PLD4: variants seen among roughly 807,000 people sequenced by gnomAD.
The protein encoded by PLD4 is phospholipase D family member 4.
PLD4 carries 54 observed loss-of-function variants against 52.3 expected under a neutral mutation model. The observed-to-expected ratio is 1.03, with a 90% CI of 0.83 to 1.30. The LOEUF is 1.30. Among genes scored for constraint, PLD4 ranks in the 50% most tolerant of loss-of-function variants. PLD4 has a pLI of 0.00. For missense variants in PLD4, 731 were observed against 671.1 expected (o/e 1.09, Z -0.99); for synonymous variants, 264 against 286.5 (o/e 0.92, Z 0.79).
At chr14:104,933,268 G>A (rs1010190040), downstream of PLD4, 2 of 317,914 alleles carry the variant, frequency 6.3e-6, no homozygotes, top group Admixed American at 5.0e-5. Context: ...CGCGCGGGCG[G>A]CCCTTCATCC....
rs1897563959 is a variant in PLD4 at position 104,929,353 on chromosome 14, T to C, written c.515T>C (p.Ile172Thr). The part of the protein sequence containing the change: ...QKLQQLLGRN[I>T]SLAVATSSPT... ...CTGCAGCAGCTGCTGGGCAGGAACA[T>C]TTCCCTGGCTGTGGCCACCAGCAGC... The change falls in exon 5 of 11, where the codon ATT becomes ACT. Residue 172 changes from isoleucine to threonine, a missense_variant. Ile to Thr is a moderately conservative substitution (Grantham distance 89). Coordinates refer to ENST00000392593, the MANE Select transcript of PLD4 (RefSeq NM_138790.5). 7.6e-6 allele frequency: 12 copies of C among 1,571,350 alleles called. No homozygotes were observed. The highest frequency in any genetic ancestry group is 2.3e-5 in the South Asian group (2 of 85,512).
intron 7 of PLD4, among the ~76,000 whole-genome samples, chr14:104,931,370 G>A (rs1897638591): frequency 6.6e-6 from 1 of 152,156 alleles, no homozygotes; most frequent in African/African-American, 2.4e-5. Context: ...CGGGGGTGGG[G>A]GTGGACAGCC....
chr14:104,926,609 G>A (rs752120829), intron 1 of PLD4, among the ~76,000 whole-genome samples: 9 of 152,208 alleles, frequency 5.9e-5, no homozygotes, highest in Non-Finnish European at 1.0e-4. Context: ...TCTCTGGAGG[G>A]GCTGCCGTGG....
rs1358831958 is a variant in PLD4 at position 104,927,939 on chromosome 14, T to C, written c.284+73T>C. On this transcript the variant is annotated intron_variant, in intron 3 of 10. Coordinates refer to ENST00000392593, the MANE Select transcript of PLD4 (RefSeq NM_138790.5). ...TGCTGCCTGTGTTTCTGCCCTTGGA[T>C]CTGCCCGTGAGATAAGGGGGGCCCT... The C allele has an allele frequency of 6.3e-6, 9 of 1,428,036 alleles. 1 individual carries two copies. The African/African-American group carries it at 1.0e-4, about 16-fold the overall frequency. The allele number at this position is 1,428,036 out of a possible 1,614,324, so 88.5% of individuals were successfully genotyped here.
At chr14:104,926,910 G>A (rs1440389015) in intron 1 of PLD4, among the ~76,000 whole-genome samples, 1 of 152,348 alleles carries the variant, frequency 6.6e-6, no homozygotes, top group African/African-American at 2.4e-5. Flanking sequence ...TGGCCAGGGG[G>A]ACAGGACAGG....
At position 104,932,970 on chromosome 14, in the gene PLD4, GC is replaced by G; in HGVS notation, c.*8del. The G allele has an allele frequency of 6.4e-7, 1 of 1,568,870 alleles. No individual in the cohort carries two copies. The highest frequency in any genetic ancestry group is 8.6e-7 in the Non-Finnish European group (1 of 1,160,042). Reference sequence around the variant, plus strand: ...ACTGCGTTTGGCAGGGCTGAGGGGGGCCTCTTTTTCTCTCGGCGACCCCGCC... The same window carrying G: ...ACTGCGTTTGGCAGGGCTGAGGGGGGCTCTTTTTCTCTCGGCGACCCCGCC... On this transcript the variant is annotated 3_prime_UTR_variant, in exon 11 of 11. Coordinates refer to ENST00000392593, the MANE Select transcript of PLD4 (RefSeq NM_138790.5). The surrounding 1 kb of genome is among the most constrained non-coding windows in gnomAD (Gnocchi z 6.5).
At chr14:104,929,256 G>T in intron 4 of PLD4, 51 bp from the exon 5 acceptor site, 1 of 1,572,928 alleles carries the variant, frequency 6.4e-7, no homozygotes, top group South Asian at 1.2e-5. Context: ...GTGGGGATGC[G>T]GAGGAGAGGG....
rs751405240 is a variant in PLD4, at chr14:104,930,884, A to G, written c.860A>G (p.Asn287Ser). ...CCTCAGAACTTCTCATCTCACTTCA[A>G]CCGTTTCCAGCCCTTCCACGGCCTC... ...TWPQNFSSHF[N>S]RFQPFHGLFD... is the part of the protein sequence containing the mutation. The change falls in exon 7 of 11, where the codon AAC becomes AGC. Residue 287 changes from asparagine (N) to serine (S), a missense_variant. Transcript: ENST00000392593. The G allele has an allele frequency of 5.6e-6, 9 of 1,613,358 alleles. No individual in the cohort carries two copies. Among genetic ancestry groups the G allele is most frequent in the South Asian group, 1.1e-5 (1 of 91,080 alleles).
chr14:104,928,592 A>C (rs1467541569), intron 3 of PLD4, among the ~76,000 whole-genome samples, 157 bp from the exon 4 acceptor site: 1 of 152,174 alleles, frequency 6.6e-6, no homozygotes, highest in Non-Finnish European at 1.5e-5. Flanking sequence ...TTTGTTGCCT[A>C]TACCTTAAAC....
chr14:104,932,925 C>T lies in PLD4; in HGVS notation c.1482C>T (p.Asp494=), dbSNP rs1456161143. The T allele has an allele frequency of 5.6e-6, 9 of 1,600,330 alleles. No homozygotes were observed. The highest frequency in any genetic ancestry group is 3.4e-5 in the Admixed American group (2 of 58,550). The part of the protein sequence containing the change: ...DWSSRYAVGL[D]GQAPGQDCVW... ...GTTCGCGCTACGCCGTCGGCCTGGA[C>T]GGACAGGCTCCGGGCCAGGACTGCG... Residue 494 remains aspartate (D), a synonymous_variant, in exon 11 of 11, where the codon GAC becomes GAT. Transcript: ENST00000392593. This position sits in a 1 kb window ranked among gnomAD's most constrained non-coding sequence, Gnocchi z 6.5.
At chr14:104,929,180 A>T in intron 4 of PLD4, 127 bp from the exon 5 acceptor site, 1 of 1,433,094 alleles carries the variant, frequency 7.0e-7, no homozygotes, top group East Asian at 2.5e-5. Flanking sequence ...GGTCATCCAG[A>T]TACTTGACCT....
At position 104,932,170 on chromosome 14, in the gene PLD4, TGGACG is replaced by T; in HGVS notation, c.1218_1222del (p.Asp407GlufsTer74). 1 of 1,611,336 alleles carries T rather than the reference TGGACG, an allele frequency of 6.2e-7. No homozygotes were observed. The highest frequency in any genetic ancestry group is 8.5e-7 in the Non-Finnish European group (1 of 1,179,096). ...AGCAACCCCGCGGCCAACGTCTCTGTGGACGTGGTGAGGGCGTGCTCCCGGCCGGG... is the reference window on the plus strand; with the variant it reads ...AGCAACCCCGCGGCCAACGTCTCTGTTGGTGAGGGCGTGCTCCCGGCCGGG... On this transcript the variant is annotated frameshift_variant and splice_region_variant, in exon 9 of 11. Transcript: ENST00000392593. LOFTEE classifies it high-confidence loss of function. This position sits in a 1 kb window ranked among gnomAD's most constrained non-coding sequence, Gnocchi z 6.5.
In PLD4 at chr14:104,932,895, C is replaced by A; in HGVS notation, c.1452C>A (p.Asp484Glu). 1.2e-6 allele frequency: 2 copies of A among 1,603,260 alleles called. No homozygotes were observed. Among genetic ancestry groups the A allele is most frequent in the African/African-American group, 1.3e-5 (1 of 74,942 alleles). The change falls in exon 11 of 11, where the codon GAC becomes GAA. Residue 484 changes from aspartate to glutamate, a missense_variant. Coordinates refer to ENST00000392593, the MANE Select transcript of PLD4 (RefSeq NM_138790.5). The surrounding 1 kb of genome is among the most constrained non-coding windows in gnomAD (Gnocchi z 6.5). ...AGCTGCGGCAGCTCTTTGAGCGGGA[C>A]TGGAGTTCGCGCTACGCCGTCGGCC... ...QEQLRQLFER[D>E]WSSRYAVGLD...
At chr14:104,927,603 G>C in intron 2 of PLD4, 70 bp from the exon 3 acceptor site, 1 of 1,447,668 alleles carries the variant, frequency 6.9e-7, no homozygotes, top group Non-Finnish European at 9.2e-7. Context: ...GCACTGGAGG[G>C]GCCATCGTGG....
intron 3 of PLD4, among the ~76,000 whole-genome samples, chr14:104,928,527 T>G (rs577118890): frequency 6.6e-6 from 1 of 152,316 alleles, no homozygotes; most frequent in African/African-American, 2.4e-5. Flanking sequence ...AAATTGCTCC[T>G]GGGTGTCACC....
At chr14:104,936,870 G>C, downstream of PLD4, 1 of 152,244 alleles carries the variant, frequency 6.6e-6, no homozygotes, top group East Asian at 1.9e-4. Flanking sequence ...ACGTGGATTT[G>C]CTTCCTGTGG....
rs1166822547 is a variant in PLD4, at chr14:104,933,046, C to T, written c.*82C>T. The T allele has an allele frequency of 4.9e-6, 7 of 1,424,108 alleles. No homozygotes were observed. The highest frequency in any genetic ancestry group is 2.8e-5 in the South Asian group (2 of 70,588). The allele number at this position is 1,424,108 out of a possible 1,614,324, so 88.2% of individuals were successfully genotyped here. A position where few individuals can be genotyped will look rare whatever the true frequency, so the allele number is the denominator to read the frequency against. On this transcript the variant is annotated 3_prime_UTR_variant, in exon 11 of 11. Coordinates refer to ENST00000392593, the MANE Select transcript of PLD4 (RefSeq NM_138790.5). ...CCGGCCTGGGCTTCAGCCGCTTCCT[C>T]CCGCAAGCAGCCCGGGTCCGCACTG...
rs1897616730 is a variant in PLD4, at chr14:104,930,797, A to G, written c.773A>G (p.Glu258Gly). The G allele has an allele frequency of 1.9e-6, 3 of 1,613,494 alleles. No homozygotes were observed. The highest frequency in any genetic ancestry group is 2.5e-6 in the Non-Finnish European group (3 of 1,180,016). ...YNCSHLAQDL[E>G]KTFQTYWVLG... is the part of the protein sequence containing the mutation. ...TGCAGCCACCTGGCCCAAGACCTGG[A>G]GAAGACCTTCCAGACCTACTGGGTA... is the stretch of plus-strand genomic sequence containing the variant. The change falls in exon 7 of 11, where the codon GAG (glutamate) becomes GGG (glycine). Residue 258 changes from glutamate to glycine, a missense_variant. By Grantham distance (98) the Glu-to-Gly change is moderately conservative (BLOSUM62 -2). Transcript: ENST00000392593.
At chr14:104,926,557 T>A (rs921507073) in intron 1 of PLD4, among the ~76,000 whole-genome samples, 4 of 152,198 alleles carry the variant, frequency 2.6e-5, no homozygotes, top group African/African-American at 9.7e-5. Flanking sequence ...GCCTAGCCTC[T>A]CCAGCAAGGG....
Sources: allele counts gnomAD v4.1 joint callset (sites outside exome capture counted in the v4.1 genomes callset), GRCh38; gene constraint gnomAD v4.1.1; non-coding constraint Gnocchi (gnomAD v3.1); transcripts MANE v1.5; gene names NCBI Gene and HGNC (gene_info 2026-07-23, HGNC 2026-07-21).